CCDC6: variants seen among roughly 807,000 people sequenced by gnomAD.
CCDC6 encodes coiled-coil domain containing 6, also known as coiled-coil domain-containing protein 6.
In CCDC6, 20 loss-of-function variants were observed where a neutral mutation model predicts 56.6. That is an observed-to-expected ratio of 0.35 (90% CI 0.25 to 0.51). The LOEUF (loss-of-function observed/expected upper bound fraction) is 0.51, where lower values mean the gene tolerates loss of function less well. Ranked by LOEUF, CCDC6 falls within the 20% of genes least tolerant of loss-of-function variation. The pLI is 0.95. For synonymous variants in CCDC6, 241 were observed against 234.4 expected, an observed-to-expected ratio of 1.03 and a Z score of -0.26; for missense variants, 367 against 601.1, an observed-to-expected ratio of 0.61 and a Z score of 4.07.
chr10:59,813,291 T>C (rs1207359464), intron 4 of CCDC6, among the ~76,000 whole-genome samples: 1 of 152,172 alleles, frequency 6.6e-6, no homozygotes, highest in Non-Finnish European at 1.5e-5. Context: ...TGCAAGGGCA[T>C]GGCAAACTGG....
intron 1 of CCDC6, among the ~76,000 whole-genome samples, chr10:59,857,121 A>G (rs1239856929): frequency 1.3e-5 from 2 of 152,188 alleles, no homozygotes; most frequent in African/African-American, 4.8e-5. Context: ...TAGACCACAA[A>G]GCGTCTCTTC....
chr10:59,808,288 T>C (rs1410866498), intron 5 of CCDC6, among the ~76,000 whole-genome samples: 3 of 152,184 alleles, frequency 2.0e-5, no homozygotes, highest in Non-Finnish European at 4.4e-5. Context: ...ATCCAGGGTC[T>C]GCTTCAGCTA....
chr10:59,820,941 C>T (rs1352256555), intron 3 of CCDC6, among the ~76,000 whole-genome samples: 5 of 151,478 alleles, frequency 3.3e-5, no homozygotes, highest in Non-Finnish European at 5.9e-5. Context: ...TTCCCAAAGC[C>T]TTTCAGCTTA....
intron 1 of CCDC6, among the ~76,000 whole-genome samples, chr10:59,880,277 C>A (rs942877305): frequency 1.3e-5 from 2 of 152,000 alleles, no homozygotes; most frequent in African/African-American, 4.8e-5. Flanking sequence ...ACTGTACACT[C>A]AGGGGACTTT....
At chr10:59,873,337 C>T (rs2071248310) in intron 1 of CCDC6, among the ~76,000 whole-genome samples, 1 of 152,032 alleles carries the variant, frequency 6.6e-6, no homozygotes, top group Admixed American at 6.6e-5. Context: ...AGGGAAAATA[C>T]AGACAGAAAC....
At position 59,790,612 on chromosome 10, in the gene CCDC6, G is replaced by C. The variant is rs747013141; in HGVS notation, c.*2305C>G. On this transcript the variant is annotated 3_prime_UTR_variant, in exon 9 of 9. Coordinates refer to ENST00000263102, the MANE Select transcript of CCDC6 (RefSeq NM_005436.5). ...CAAAAGAGTAGTGTTTGTTCTATCAGTTCTGAATGTCCACAGGGAGAGGCA... is the reference window on the plus strand; with the variant it reads ...CAAAAGAGTAGTGTTTGTTCTATCACTTCTGAATGTCCACAGGGAGAGGCA... 2 of 221,560 alleles carry C rather than the reference G, an allele frequency of 9.0e-6. No homozygotes were observed. The highest frequency in any genetic ancestry group is 3.7e-4 in the South Asian group (2 of 5,384). 13.7% of individuals were successfully genotyped at this position (221,560 alleles called of 1,614,324 possible).
intron 1 of CCDC6, among the ~76,000 whole-genome samples, chr10:59,897,231 T>C (rs966391780): frequency 7.2e-5 from 11 of 152,220 alleles, no homozygotes; most frequent in African/African-American, 2.6e-4. Flanking sequence ...ATAAAAGTTA[T>C]CATTTGAGTT....
intron 5 of CCDC6, among the ~76,000 whole-genome samples, chr10:59,809,819 G>A (rs934355345): frequency 6.6e-6 from 1 of 152,170 alleles, no homozygotes; most frequent in African/African-American, 2.4e-5. Context: ...TGGTTATACA[G>A]AAAGTTGTTT....
At chr10:59,903,421 T>C (rs535648247) in intron 1 of CCDC6, among the ~76,000 whole-genome samples, 1 of 152,146 alleles carries the variant, frequency 6.6e-6, no homozygotes, top group African/African-American at 2.4e-5. Flanking sequence ...CTGTACTTTA[T>C]GTTCAGTGTT....
chr10:59,885,642 C>A (rs1387486483), intron 1 of CCDC6, among the ~76,000 whole-genome samples: 1 of 152,204 alleles, frequency 6.6e-6, no homozygotes, highest in East Asian at 1.9e-4. Flanking sequence ...GTTCCTCAAA[C>A]CTGCCCTGCA....
Position 59,874,465 on chromosome 10 carries a change from C to G in CCDC6, c.304-21763G>C, listed in dbSNP as rs148918914. 4.4e-3 allele frequency among the ~76,000 whole-genome samples: 663 copies of G among 152,246 alleles called. 4 individuals are homozygous for G. The highest frequency in any genetic ancestry group is 0.031 in the Middle Eastern group (9 of 294). On this transcript the variant is annotated intron_variant, in intron 1 of 8. Coordinates refer to ENST00000263102, the MANE Select transcript of CCDC6 (RefSeq NM_005436.5). Reference sequence around the variant, plus strand: ...ACAAAGATATTCACAGAAATGCCATCCATACCAATGCAAACAACCAATTCA... The same window carrying G: ...ACAAAGATATTCACAGAAATGCCATGCATACCAATGCAAACAACCAATTCA...
chr10:59,860,267 G>A (rs144268988), intron 1 of CCDC6, among the ~76,000 whole-genome samples: 5 of 152,214 alleles, frequency 3.3e-5, no homozygotes, highest in African/African-American at 1.2e-4. Context: ...TGCCCCCGAG[G>A]AAAGGCTGGA....
chr10:59,832,281 A>G (rs1363611266), intron 3 of CCDC6, among the ~76,000 whole-genome samples: 1 of 152,234 alleles, frequency 6.6e-6, no homozygotes, highest in Non-Finnish European at 1.5e-5. Context: ...TCCTGCTATA[A>G]ATCAGTACAT....
Position 59,820,229 on chromosome 10 carries a change from A to G in CCDC6, c.583-5474T>C, listed in dbSNP as rs370271184. Among the ~76,000 whole-genome samples, 44 of 152,328 alleles carry G rather than the reference A, an allele frequency of 2.9e-4. 2 individuals carry two copies. The East Asian group carries it at 4.4e-3, about 15-fold the overall frequency. ...TGCATTTTTCCATTTAAAGAGGACT[A>G]CGATGCTGGGGTGGGAGTAAGGAAC... On this transcript the variant is annotated intron_variant, in intron 3 of 8. Transcript: ENST00000263102.
intron 1 of CCDC6, among the ~76,000 whole-genome samples, chr10:59,898,750 T>C (rs761581005): frequency 1.3e-5 from 2 of 152,238 alleles, no homozygotes; most frequent in East Asian, 1.9e-4. Flanking sequence ...TCCTGCCTCT[T>C]TGAGGCTATA....
At chr10:59,808,983 C>T (rs1182706160) in intron 5 of CCDC6, among the ~76,000 whole-genome samples, 1 of 152,162 alleles carries the variant, frequency 6.6e-6, no homozygotes, top group Non-Finnish European at 1.5e-5. Context: ...CCAGAAACCC[C>T]GCTGTCTAAT....
At chr10:59,822,446 T>A (rs2070756372) in intron 3 of CCDC6, among the ~76,000 whole-genome samples, 2 of 152,244 alleles carry the variant, frequency 1.3e-5, no homozygotes, top group African/African-American at 4.8e-5. Context: ...TTTTAACCGA[T>A]AATTGCCGTT....
chr10:59,894,690 G>A (rs2071449220), intron 1 of CCDC6, among the ~76,000 whole-genome samples: 1 of 152,042 alleles, frequency 6.6e-6, no homozygotes, highest in South Asian at 2.1e-4. Flanking sequence ...GGGGTGGGGG[G>A]GAATCCATAA....
At chr10:59,868,965 T>C (rs527666865) in intron 1 of CCDC6, among the ~76,000 whole-genome samples, 3 of 151,488 alleles carry the variant, frequency 2.0e-5, no homozygotes, top group East Asian at 1.9e-4. Context: ...TTTGTTCTAA[T>C]ACATCTTAGC....
Sources: gnomAD v4.1 joint callset for allele counts (sites outside exome capture counted in the v4.1 genomes callset) on GRCh38, gnomAD v4.1.1 for gene constraint, MANE v1.5 for transcripts, NCBI Gene and HGNC (gene_info 2026-07-23, HGNC 2026-07-21) for gene names.